Variants in MRPL23 observed in about 807,000 individuals in gnomAD.
The protein encoded by MRPL23 is mitochondrial ribosomal protein L23.
For missense variants in MRPL23, 25 were observed against 81.3 expected (o/e 0.31, Z 2.66); for synonymous variants, 12 against 34.8 (o/e 0.35, Z 2.30).
chr11:1,992,165 C>T, the MRPL23 span: 18 of 83,842 alleles, frequency 2.1e-4, no homozygotes, highest in African/African-American at 5.1e-4. Context: ...ACAGGACCCA[C>T]GCCCTCCACA....
the MRPL23 span, chr11:1,991,397 C>T: frequency 1.4e-4 from 4 of 29,312 alleles, no homozygotes; most frequent in African/African-American, 2.9e-4. Context: ...GAAGGAGGGA[C>T]GGGGCGCAGG....
downstream of MRPL23, among the ~76,000 whole-genome samples, chr11:1,988,777 C>T (rs539874105): frequency 1.1e-4 from 16 of 141,120 alleles, 1 homozygote; most frequent in Non-Finnish European, 2.4e-4. Flanking sequence ...TCTCTCACCC[C>T]GCTCAAACAT....
downstream of MRPL23, among the ~76,000 whole-genome samples, chr11:1,989,071 G>A (rs1250440532): frequency 7.1e-6 from 1 of 140,226 alleles, no homozygotes; most frequent in Admixed American, 7.2e-5. Flanking sequence ...GAAAGGGACA[G>A]TCACCTCAGA....
chr11:1,975,224 G>T (rs1041957851), downstream of MRPL23, among the ~76,000 whole-genome samples: 1 of 40,686 alleles, frequency 2.5e-5, no homozygotes, highest in African/African-American at 9.2e-5. Flanking sequence ...CCTCCGTTCC[G>T]CCTCCTTTAC....
intron 5 of MRPL23, chr11:1,983,512 G>A (rs1033558891): frequency 1.0e-5 from 1 of 95,900 alleles, no homozygotes; most frequent in African/African-American, 3.6e-5. Context: ...CCCACGGGCC[G>A]TCCCTGGCTC....
downstream of MRPL23, among the ~76,000 whole-genome samples, chr11:1,989,188 C>A (rs1021601400): frequency 4.1e-4 from 41 of 101,208 alleles, 9 homozygotes; most frequent in Middle Eastern, 5.0e-3. Flanking sequence ...CTGGGGGCGG[C>A]TCCGTGGGAA....
At chr11:1,991,849 C>G in the MRPL23 span, 1 of 137,926 alleles carries the variant, frequency 7.3e-6, no homozygotes, top group Non-Finnish European at 1.6e-5. Context: ...GAGTCCCCGA[C>G]TGTTTTCTTT....
intron 4 of MRPL23, among the ~76,000 whole-genome samples, chr11:1,953,601 G>A (rs217207): frequency 1.1e-3 from 109 of 99,298 alleles, no homozygotes; most frequent in African/African-American, 3.4e-3. Flanking sequence ...TGCCCCGGCC[G>A]CCTCCTGGGC....
intron 4 of MRPL23, among the ~76,000 whole-genome samples, chr11:1,956,048 CT>C (rs1337094338): frequency 4.4e-5 from 1 of 22,754 alleles, no homozygotes; most frequent in Non-Finnish European, 9.2e-5. Context: ...GTGGCCTCTG[CT>C]GCAGCGTGAC....
Position 1,956,401 on chromosome 11 carries a change from C to T in MRPL23, c.443C>T (p.Pro148Leu), listed in dbSNP as rs112513311. Residue 148 changes from proline to leucine, a missense_variant, in exon 5 of 5, where the codon CCC becomes CTC. Coordinates refer to ENST00000397298, the MANE Select transcript of MRPL23 (RefSeq NM_021134.4). Reference sequence around the variant, plus strand: ...AGCGACCCGCGGCGGGGCGGCGTCCCCAGCTGGTTCGGGCTGTGACGGGGT... The same window carrying T: ...AGCGACCCGCGGCGGGGCGGCGTCCTCAGCTGGTTCGGGCTGTGACGGGGT... The part of the protein sequence containing the change: ...QSSDPRRGGV[P>L]SWFGL The T allele has an allele frequency of 1.6e-6, 2 of 1,239,566 alleles. No homozygotes were observed. The highest frequency in any genetic ancestry group is 3.2e-5 in the African/African-American group (2 of 63,240). The allele number at this position is 1,239,566 out of a possible 1,614,324, so 76.8% of individuals were successfully genotyped here.
At chr11:1,991,735 C>G in the MRPL23 span, among the ~76,000 whole-genome samples, 1 of 123,266 alleles carries the variant, frequency 8.1e-6, no homozygotes, top group Admixed American at 8.1e-5. Flanking sequence ...GGACCCACTG[C>G]GCCCTTGGCT....
At chr11:1,991,550 TCA>T in the MRPL23 span, among the ~76,000 whole-genome samples, 6,463 of 67,782 alleles carry the variant, frequency 0.095, 818 homozygotes, top group East Asian at 0.23. Flanking sequence ...TTGTCAGGCA[TCA>T]CACACACACA....
downstream of MRPL23, among the ~76,000 whole-genome samples, chr11:1,959,243 C>T (rs1402502616): frequency 3.4e-5 from 2 of 59,284 alleles, no homozygotes; most frequent in African/African-American, 1.0e-4. Context: ...TGCAGAGGAG[C>T]GCGGAGCAGG....
downstream of MRPL23, among the ~76,000 whole-genome samples, chr11:1,964,062 C>T (rs141607681): frequency 4.8e-5 from 7 of 145,628 alleles, 1 homozygote; most frequent in Non-Finnish European, 7.6e-5. Context: ...ATCTGCGCTC[C>T]CCGCCTTGGC....
chr11:1,959,319 C>T (rs1019168794), downstream of MRPL23, among the ~76,000 whole-genome samples: 7 of 75,078 alleles, frequency 9.3e-5, 3 homozygotes, highest in South Asian at 1.4e-3. Flanking sequence ...CCCTGCGTGC[C>T]GCACCCATGG....
intron 5 of MRPL23, chr11:1,984,195 C>T (rs1227782849): frequency 3.4e-5 from 1 of 29,536 alleles, no homozygotes; most frequent in Non-Finnish European, 8.8e-5. Flanking sequence ...ACGGGCTTTG[C>T]GGCACAACCT....
At chr11:1,984,064 G>A (rs1054518638) in intron 5 of MRPL23, 3 of 73,106 alleles carry the variant, frequency 4.1e-5, no homozygotes, top group African/African-American at 1.3e-4. Flanking sequence ...TTGGGGCAGC[G>A]GTGTCTAGAC....
At chr11:1,989,220 C>T (rs543605902), downstream of MRPL23, among the ~76,000 whole-genome samples, 2 of 87,210 alleles carry the variant, frequency 2.3e-5, no homozygotes, top group Non-Finnish European at 3.2e-5. Flanking sequence ...GTCCCAGCCC[C>T]GGGTCTCCAG....
intron 4 of MRPL23, among the ~76,000 whole-genome samples, chr11:1,968,626 T>TG (rs1856575292): frequency 6.9e-6 from 1 of 145,796 alleles, no homozygotes; most frequent in Admixed American, 6.8e-5. Flanking sequence ...ACCTCGTGCC[T>TG]GTCCGTCAGG....
Sources: allele counts gnomAD v4.1 joint callset (sites outside exome capture counted in the v4.1 genomes callset), GRCh38; gene constraint gnomAD v4.1.1; transcripts MANE v1.5; gene names NCBI Gene and HGNC (gene_info 2026-07-23, HGNC 2026-07-21).